Variants in PRKD1 observed in about 807,000 individuals in gnomAD.
The protein encoded by PRKD1 is protein kinase D1.
Under a neutral mutation model 95.9 loss-of-function variants are expected in PRKD1, and 63 were observed. The observed-to-expected ratio is 0.66, with a 90% CI of 0.54 to 0.81. The LOEUF (loss-of-function observed/expected upper bound fraction) is 0.81. PRKD1 is among the 30% of genes least tolerant of loss of function. The pLI is 0.00. For synonymous variants in PRKD1, 425 were observed against 423.1 expected, an observed-to-expected ratio of 1.00 and a Z score of -0.05; for missense variants, 1,048 against 1,165.3, an observed-to-expected ratio of 0.90 and a Z score of 1.47.
chr14:29,823,699 A>G (rs1315688357), intron 1 of PRKD1, among the ~76,000 whole-genome samples: 2 of 152,230 alleles, frequency 1.3e-5, no homozygotes, highest in African/African-American at 2.4e-5. Flanking sequence ...GTCAGAGGAC[A>G]GAAACGTTAG....
chr14:29,786,577 T>G (rs1204428932), intron 1 of PRKD1, among the ~76,000 whole-genome samples: 1 of 152,192 alleles, frequency 6.6e-6, no homozygotes, highest in East Asian at 1.9e-4. Flanking sequence ...ATAGGCTGTG[T>G]GTGTCCAAGA....
chr14:29,764,401 A>G (rs527867693), intron 1 of PRKD1, among the ~76,000 whole-genome samples: 1 of 152,374 alleles, frequency 6.6e-6, no homozygotes, highest in East Asian at 1.9e-4. Context: ...GACAGAGGTT[A>G]GCTAGAATGG....
intron 1 of PRKD1, among the ~76,000 whole-genome samples, chr14:29,877,922 G>A (rs1313291285): frequency 2.6e-5 from 4 of 152,198 alleles, no homozygotes; most frequent in African/African-American, 7.2e-5. Context: ...ATGGCCGATT[G>A]GATGAGGAAC....
At chr14:29,718,074 CT>C (rs775561127) in intron 2 of PRKD1, among the ~76,000 whole-genome samples, 3 of 152,168 alleles carry the variant, frequency 2.0e-5, no homozygotes, top group Non-Finnish European at 2.9e-5. Flanking sequence ...ACATTCCAAT[CT>C]GCTTGCTGTC....
chr14:29,652,213 G>C (rs535106836), intron 4 of PRKD1, among the ~76,000 whole-genome samples: 2 of 152,168 alleles, frequency 1.3e-5, no homozygotes, highest in Admixed American at 6.5e-5. Flanking sequence ...TGTCTTGTCA[G>C]GAGTGCTGTG....
chr14:29,753,831 C>CT (rs1230588086), intron 1 of PRKD1, among the ~76,000 whole-genome samples: 15 of 152,232 alleles, frequency 9.9e-5, no homozygotes, highest in Non-Finnish European at 1.0e-4. Flanking sequence ...TACTTACCCA[C>CT]TTTTTCAATG....
At chr14:29,714,083 C>T (rs1350638652) in intron 2 of PRKD1, among the ~76,000 whole-genome samples, 1 of 152,076 alleles carries the variant, frequency 6.6e-6, no homozygotes, top group African/African-American at 2.4e-5. Flanking sequence ...TTGACTTACA[C>T]CAGTATTAAA....
chr14:29,760,269 A>G (rs1437700479), intron 1 of PRKD1, among the ~76,000 whole-genome samples: 1 of 151,250 alleles, frequency 6.6e-6, no homozygotes, highest in Non-Finnish European at 1.5e-5. Flanking sequence ...TGCTTGTACC[A>G]CTGGTTCATT....
At chr14:29,770,303 C>G (rs1953719) in intron 1 of PRKD1, among the ~76,000 whole-genome samples, 26,340 of 152,116 alleles carry the variant, frequency 0.17, 2,447 homozygotes, top group South Asian at 0.23. Context: ...CATGGAAGAA[C>G]CGCTAGAAAT....
At chr14:29,704,406 A>G (rs548007741) in intron 2 of PRKD1, among the ~76,000 whole-genome samples, 5 of 152,298 alleles carry the variant, frequency 3.3e-5, no homozygotes, top group Middle Eastern at 3.4e-3. Context: ...TAATCTCTTT[A>G]TCATTCTTGC....
At chr14:29,877,305 G>T (rs1893337075) in intron 1 of PRKD1, among the ~76,000 whole-genome samples, 1 of 152,214 alleles carries the variant, frequency 6.6e-6, no homozygotes, top group South Asian at 2.1e-4. Flanking sequence ...GTTTCTCAAA[G>T]AGTTAAACAT....
intron 1 of PRKD1, among the ~76,000 whole-genome samples, chr14:29,896,215 C>A (rs1434631348): frequency 6.6e-6 from 1 of 152,122 alleles, no homozygotes; most frequent in Non-Finnish European, 1.5e-5. Flanking sequence ...GAAAAGAGAA[C>A]TAATGAAAAT....
Position 29,588,838 on chromosome 14 carries a change from G to A in PRKD1, c.2434+8653C>T, listed in dbSNP as rs571693218. On this transcript the variant is annotated intron_variant, in intron 16 of 17. Transcript: ENST00000331968. ...TGTGTGTGTGTGTGTGTGTGTTTGTGTCACCAAATGTCAAGGCTTCCCATC... is the reference window on the plus strand; with the variant it reads ...TGTGTGTGTGTGTGTGTGTGTTTGTATCACCAAATGTCAAGGCTTCCCATC... Among the ~76,000 whole-genome samples the A allele has an allele frequency of 1.2e-4, 18 of 149,034 alleles. No homozygotes were observed. The South Asian group carries it at 3.8e-3, about 32-fold the overall frequency.
intron 1 of PRKD1, among the ~76,000 whole-genome samples, chr14:29,899,851 A>C (rs890997260): frequency 2.4e-4 from 37 of 152,104 alleles, no homozygotes; most frequent in African/African-American, 7.7e-4. Context: ...TGTAATCCCC[A>C]TGTGTTGGGA....
chr14:29,699,854 C>T (rs927828325), intron 2 of PRKD1, among the ~76,000 whole-genome samples: 13 of 152,122 alleles, frequency 8.5e-5, no homozygotes, highest in Admixed American at 6.5e-4. Flanking sequence ...GGCTACAGAT[C>T]TGTCTTTAAG....
chr14:29,869,861 A>G (rs1893042100), intron 1 of PRKD1, among the ~76,000 whole-genome samples: 1 of 152,166 alleles, frequency 6.6e-6, no homozygotes, highest in South Asian at 2.1e-4. Flanking sequence ...ATTTTGGCCT[A>G]CAATATTTGC....
At chr14:29,755,252 C>T (rs1353140061) in intron 1 of PRKD1, among the ~76,000 whole-genome samples, 1 of 152,090 alleles carries the variant, frequency 6.6e-6, no homozygotes, top group Non-Finnish European at 1.5e-5. Context: ...CTGATCCTTC[C>T]ATTTTTTTCT....
chr14:29,732,254 TTC>T (rs1886477328), intron 1 of PRKD1, among the ~76,000 whole-genome samples: 1 of 152,198 alleles, frequency 6.6e-6, no homozygotes, highest in South Asian at 2.1e-4. Context: ...ACCAATTTTT[TTC>T]TGTTTGTTAC....
chr14:29,591,438 C>T (rs1893124923), intron 16 of PRKD1: 1 of 151,996 alleles, frequency 6.6e-6, no homozygotes, highest in Non-Finnish European at 1.5e-5. Flanking sequence ...TAAGTTATTT[C>T]TGGGGATCTG....
Sources: gnomAD v4.1 joint callset for allele counts (sites outside exome capture counted in the v4.1 genomes callset) on GRCh38, gnomAD v4.1.1 for gene constraint, MANE v1.5 for transcripts, NCBI Gene and HGNC (gene_info 2026-07-23, HGNC 2026-07-21) for gene names.